The following PIP4K2A variants were observed in gnomAD, a reference collection of about 807,000 sequenced individuals.
PIP4K2A encodes the protein phosphatidylinositol-5-phosphate 4-kinase type 2 alpha, also known as phosphatidylinositol 5-phosphate 4-kinase type-2 alpha.
In PIP4K2A, 14 loss-of-function variants were observed where a neutral mutation model predicts 42.9. That is an observed-to-expected ratio of 0.33 (90% CI 0.22 to 0.51). PIP4K2A has a LOEUF of 0.51. PIP4K2A is among the 20% of genes least tolerant of loss of function. The pLI, the probability that PIP4K2A is intolerant of heterozygous loss-of-function variation, is 0.97. For synonymous variants in PIP4K2A, 192 were observed against 192.2 expected, an observed-to-expected ratio of 1.00 and a Z score of 0.01; for missense variants, 434 against 519.8, an observed-to-expected ratio of 0.83 and a Z score of 1.61.
intron 1 of PIP4K2A, among the ~76,000 whole-genome samples, chr10:22,638,787 C>T (rs1438206687): frequency 1.3e-5 from 2 of 151,986 alleles, no homozygotes; most frequent in Non-Finnish European, 2.9e-5. Context: ...GGACAAAGTC[C>T]AAAAATCATG....
chr10:22,566,044 G>A (rs1177888925), intron 6 of PIP4K2A, among the ~76,000 whole-genome samples: 11 of 152,068 alleles, frequency 7.2e-5, no homozygotes, highest in Admixed American at 1.3e-4. Flanking sequence ...TTTTAATTTC[G>A]CCTCAGTCCT....
At chr10:22,641,604 G>A (rs761098749) in intron 1 of PIP4K2A, among the ~76,000 whole-genome samples, 13 of 151,332 alleles carry the variant, frequency 8.6e-5, no homozygotes, top group Non-Finnish European at 1.3e-4. Context: ...ACCACACTCA[G>A]ATAGGTTTTT....
At chr10:22,594,524 T>G (rs1226058141) in intron 3 of PIP4K2A, among the ~76,000 whole-genome samples, 1 of 152,200 alleles carries the variant, frequency 6.6e-6, no homozygotes, top group Non-Finnish European at 1.5e-5. Context: ...GCCTCCTGAG[T>G]AGCTGGGATT....
At chr10:22,645,536 G>T (rs1285133689) in intron 1 of PIP4K2A, among the ~76,000 whole-genome samples, 1 of 126,526 alleles carries the variant, frequency 7.9e-6, no homozygotes, top group African/African-American at 3.0e-5. Flanking sequence ...AACAGAGAAA[G>T]ATTCTATTTC....
At chr10:22,620,287 G>A (rs1838295025) in intron 1 of PIP4K2A, among the ~76,000 whole-genome samples, 1 of 152,142 alleles carries the variant, frequency 6.6e-6, no homozygotes. Context: ...ACTGAATTCA[G>A]GCCAAAAATT....
In PIP4K2A at chr10:22,714,311, T is replaced by C. The variant is rs1400264571; in HGVS notation, c.16A>G (p.Asn6Asp). Residue 6 changes from asparagine (N) to aspartate (D), a missense_variant, in exon 1 of 10, where the codon AAC (asparagine) becomes GAC (aspartate). Asn to Asp is a conservative substitution (Grantham distance 23). Transcript: ENST00000376573. ...CTCGCCAGGACAGAGGACCCTAGGTTGCCGGGGGTCGCCATGGCCGCCTCC... is the reference window on the plus strand; with the variant it reads ...CTCGCCAGGACAGAGGACCCTAGGTCGCCGGGGGTCGCCATGGCCGCCTCC... Reference protein sequence around the residue: MATPGNLGSSVLASKT... With the variant: MATPGDLGSSVLASKT... 1.2e-6 allele frequency: 2 copies of C among 1,605,838 alleles called. No homozygotes were observed. Among genetic ancestry groups the C allele is most frequent in the South Asian group, 2.2e-5 (2 of 90,684 alleles).
intron 4 of PIP4K2A, among the ~76,000 whole-genome samples, chr10:22,580,091 C>A (rs553007042): frequency 1.3e-5 from 2 of 151,730 alleles, no homozygotes; most frequent in Non-Finnish European, 2.9e-5. Context: ...TCCAGGAGCA[C>A]CTGATATGTG....
At chr10:22,550,369 T>C (rs1392947475) in intron 7 of PIP4K2A, among the ~76,000 whole-genome samples, 2 of 152,336 alleles carry the variant, frequency 1.3e-5, no homozygotes, top group African/African-American at 2.4e-5. Context: ...TCAGTCTTCA[T>C]GGGCCATCCC....
rs188498654 is a variant in PIP4K2A at position 22,687,387 on chromosome 10, G to C, written c.144+26796C>G. On this transcript the variant is annotated intron_variant, in intron 1 of 9. Transcript: ENST00000376573. ...AGGTGGAGGGAGGCCCAAATGAAGAGATGGAGGTCAAAAGATACAAAATAG... is the reference window on the plus strand; with the variant it reads ...AGGTGGAGGGAGGCCCAAATGAAGACATGGAGGTCAAAAGATACAAAATAG... Among the ~76,000 whole-genome samples the C allele has an allele frequency of 3.3e-4, 50 of 152,220 alleles. 1 individual carries two copies. Among genetic ancestry groups the C allele is most frequent in the Admixed American group, 3.3e-3 (50 of 15,280 alleles).
chr10:22,586,038 T>C (rs531368958), intron 4 of PIP4K2A, among the ~76,000 whole-genome samples: 1 of 152,394 alleles, frequency 6.6e-6, no homozygotes, highest in South Asian at 2.1e-4. Flanking sequence ...TTACCATTTT[T>C]TCCTTTTTGA....
chr10:22,578,242 C>T (rs115866610), intron 4 of PIP4K2A, among the ~76,000 whole-genome samples: 276 of 152,312 alleles, frequency 1.8e-3, no homozygotes, highest in African/African-American at 6.4e-3. Context: ...TCTGGTCTCT[C>T]TCCTGACTGG....
chr10:22,677,529 T>C (rs1318365600), intron 1 of PIP4K2A, among the ~76,000 whole-genome samples: 1 of 152,186 alleles, frequency 6.6e-6, no homozygotes, highest in East Asian at 1.9e-4. Flanking sequence ...ACGTGGCTCG[T>C]GGCTGCATGT....
At chr10:22,669,871 C>A (rs140712746) in intron 1 of PIP4K2A, among the ~76,000 whole-genome samples, 227 of 152,242 alleles carry the variant, frequency 1.5e-3, no homozygotes, top group African/African-American at 5.2e-3. Context: ...TGACTATGAC[C>A]TGTTAGTTCA....
chr10:22,664,195 A>G (rs1253243675), intron 1 of PIP4K2A, among the ~76,000 whole-genome samples: 3 of 63,406 alleles, frequency 4.7e-5, no homozygotes, highest in African/African-American at 1.2e-4. Flanking sequence ...ATATATACAT[A>G]TATATATACA....
At chr10:22,622,648 C>T (rs112247872) in intron 1 of PIP4K2A, among the ~76,000 whole-genome samples, 3,838 of 152,296 alleles carry the variant, frequency 0.025, 157 homozygotes, top group African/African-American at 0.086. Context: ...TGTCAGTGGA[C>T]GGGCACCGCC....
At chr10:22,602,994 T>G (rs1288237558) in intron 3 of PIP4K2A, among the ~76,000 whole-genome samples, 1 of 152,210 alleles carries the variant, frequency 6.6e-6, no homozygotes, top group Non-Finnish European at 1.5e-5. Context: ...AGGATAGACT[T>G]GATATTCTAG....
chr10:22,619,399 T>TAC (rs1564445459), intron 1 of PIP4K2A, among the ~76,000 whole-genome samples: 2 of 151,986 alleles, frequency 1.3e-5, no homozygotes, highest in Admixed American at 1.3e-4. Context: ...GTCAATTTTC[T>TAC]ACAGCTGCTT....
intron 1 of PIP4K2A, chr10:22,713,975 T>G: frequency 2.0e-6 from 1 of 504,298 alleles, no homozygotes; most frequent in Non-Finnish European, 3.5e-6. Flanking sequence ...GCCATAGATC[T>G]AAAGGGGACG....
chr10:22,621,246 A>T (rs1013697472), intron 1 of PIP4K2A, among the ~76,000 whole-genome samples: 14 of 152,204 alleles, frequency 9.2e-5, no homozygotes, highest in African/African-American at 3.4e-4. Context: ...CCCCTAAGCT[A>T]GAGGAAGGTA....
Sources: gnomAD v4.1 joint callset for allele counts (sites outside exome capture counted in the v4.1 genomes callset) on GRCh38, gnomAD v4.1.1 for gene constraint, MANE v1.5 for transcripts, NCBI Gene and HGNC (gene_info 2026-07-23, HGNC 2026-07-21) for gene names.